AGBL1: variants seen among roughly 807,000 people sequenced by gnomAD.
The protein encoded by AGBL1 is AGBL carboxypeptidase 1, also known as cytosolic carboxypeptidase 4.
In AGBL1, 130 loss-of-function variants were observed where a neutral mutation model predicts 118.9. That is an observed-to-expected ratio of 1.09 (90% CI 0.95 to 1.26). The LOEUF (loss-of-function observed/expected upper bound fraction) is 1.26, where lower values mean the gene tolerates loss of function less well. Among genes scored for constraint, AGBL1 ranks in the 50% most tolerant of loss-of-function variants. The pLI is 0.00. For missense variants in AGBL1, 1,584 were observed against 1,298.1 expected (o/e 1.22, Z -3.38); for synonymous variants, 555 against 478.9 (o/e 1.16, Z -2.08).
chr15:86,168,191 A>G (rs1455055471), intron 5 of AGBL1, among the ~76,000 whole-genome samples: 4 of 152,220 alleles, frequency 2.6e-5, no homozygotes, highest in Non-Finnish European at 5.9e-5. Flanking sequence ...ACATGCACAC[A>G]TTAGCATGTA....
intron 22 of AGBL1, among the ~76,000 whole-genome samples, chr15:86,875,606 CAT>C (rs1345238699): frequency 6.6e-6 from 1 of 152,192 alleles, no homozygotes; most frequent in African/African-American, 2.4e-5. Flanking sequence ...AGCACTGACA[CAT>C]AGATTGTTTT....
chr15:86,318,696 A>ATTTTTTTTTTTTTTTTTTTTTTTTTTT (rs57988335), intron 17 of AGBL1, among the ~76,000 whole-genome samples: 1 of 81,950 alleles, frequency 1.2e-5, no homozygotes, highest in African/African-American at 4.9e-5. Context: ...TTGATCATAG[A>ATTTTTTTTTTTTTTTTTTTTTTTTTTT]TTTTTTTTTT....
At chr15:86,301,644 GTGTGT>G (rs1567187571) in intron 17 of AGBL1, among the ~76,000 whole-genome samples, 102 of 1,262 alleles carry the variant, frequency 0.081, no homozygotes, top group Non-Finnish European at 0.18. Context: ...TCTACAGGGT[GTGTGT>G]GTGTGTGTGT....
At chr15:86,538,155 A>T (rs74438748) in intron 19 of AGBL1, among the ~76,000 whole-genome samples, 4,292 of 152,206 alleles carry the variant, frequency 0.028, 119 homozygotes, top group African/African-American at 0.078. Flanking sequence ...TTTCTCCCCA[A>T]AGTGGCCATT....
intron 22 of AGBL1, among the ~76,000 whole-genome samples, chr15:86,825,459 C>A (rs1345447441): frequency 2.3e-5 from 2 of 85,286 alleles, no homozygotes; most frequent in Admixed American, 1.3e-4. Context: ...GAACTTTTAT[C>A]AATAATATAC....
rs116706916 is a variant in AGBL1, at chr15:86,620,236, G to A, written c.2995-54037G>A. Among the ~76,000 whole-genome samples the A allele has an allele frequency of 8.6e-3, 1,313 of 152,256 alleles. 18 individuals are homozygous for A. The highest frequency in any genetic ancestry group is 0.029 in the African/African-American group (1,215 of 41,556). ...TGGAGGATCAGGGCAGGAGGATTCC[G>A]GGATGTGTTTATTTTCTAGCACTCT... On this transcript the variant is annotated intron_variant, in intron 21 of 22. Coordinates refer to ENST00000614907, the MANE Select transcript of AGBL1 (RefSeq NM_001386094.1).
At chr15:86,444,785 C>T (rs2082102341) in intron 18 of AGBL1, among the ~76,000 whole-genome samples, 1 of 152,102 alleles carries the variant, frequency 6.6e-6, no homozygotes, top group East Asian at 1.9e-4. Context: ...CAAGGGGCCA[C>T]CCACTCCCCA....
chr15:86,963,628 T>A (rs550643571), intron 23 of AGBL1, among the ~76,000 whole-genome samples: 1 of 152,040 alleles, frequency 6.6e-6, no homozygotes, highest in Non-Finnish European at 1.5e-5. Context: ...TCAGTCTCAT[T>A]ATTTATCGGT....
intron 5 of AGBL1, among the ~76,000 whole-genome samples, chr15:86,201,523 C>T (rs2077906838): frequency 6.6e-6 from 1 of 152,190 alleles, no homozygotes; most frequent in South Asian, 2.1e-4. Flanking sequence ...TCACAAAACA[C>T]TGTGACTCAA....
At chr15:86,578,317 C>CA (rs1355800960) in intron 21 of AGBL1, among the ~76,000 whole-genome samples, 1 of 152,180 alleles carries the variant, frequency 6.6e-6, no homozygotes, top group Non-Finnish European at 1.5e-5. Context: ...TCATTTTGGC[C>CA]AATTTCTCCC....
At chr15:86,769,171 G>GAGAGAGAGAA in intron 22 of AGBL1, among the ~76,000 whole-genome samples, 1 of 118,594 alleles carries the variant, frequency 8.4e-6, no homozygotes, top group South Asian at 2.4e-4. Context: ...TTCTCATTTT[G>GAGAGAGAGAA]AGAGGGAGAG....
At chr15:86,895,060 T>TTATC (rs1006799693) in intron 22 of AGBL1, among the ~76,000 whole-genome samples, 24 of 151,076 alleles carry the variant, frequency 1.6e-4, no homozygotes, top group East Asian at 1.9e-4. Flanking sequence ...CTTCTTTCTT[T>TTATC]TATCTTCCCT....
intron 22 of AGBL1, among the ~76,000 whole-genome samples, chr15:86,815,309 G>T (rs1208968168): frequency 1.3e-5 from 2 of 152,094 alleles, no homozygotes; most frequent in African/African-American, 2.4e-5. Flanking sequence ...TAGGTTGCCA[G>T]AATTAGATGA....
intron 5 of AGBL1, among the ~76,000 whole-genome samples, chr15:86,162,914 C>T (rs548447361): frequency 4.6e-5 from 7 of 152,316 alleles, no homozygotes; most frequent in Admixed American, 2.6e-4. Context: ...CTGGATGCCA[C>T]CTGCTCCATT....
In AGBL1 at chr15:86,194,087, C is replaced by T. The variant is rs78588921; in HGVS notation, c.489-30827C>T. Among the ~76,000 whole-genome samples the T allele has an allele frequency of 8.7e-3, 1,331 of 152,316 alleles. 18 individuals are homozygous for T. The highest frequency in any genetic ancestry group is 0.031 in the African/African-American group (1,287 of 41,580). On this transcript the variant is annotated intron_variant, in intron 5 of 22. Coordinates refer to ENST00000614907, the MANE Select transcript of AGBL1 (RefSeq NM_001386094.1). The stretch of plus-strand genomic sequence containing the variant: ...CGTTTTTTAATTTCTTCCTTTCACT[C>T]GTACTCACATCCTGTTGGAACGACT...
At chr15:86,306,009 AT>A (rs959725733) in intron 17 of AGBL1, among the ~76,000 whole-genome samples, 8 of 151,630 alleles carry the variant, frequency 5.3e-5, no homozygotes, top group South Asian at 2.1e-4. Flanking sequence ...TTTTAATTTA[AT>A]TTTTTTTATT....
chr15:86,832,184 A>G (rs977890794), intron 22 of AGBL1, among the ~76,000 whole-genome samples: 1 of 152,182 alleles, frequency 6.6e-6, no homozygotes, highest in African/African-American at 2.4e-5. Flanking sequence ...CAGGTCTGTG[A>G]TGGAAAGGGC....
exon 24 of AGBL1, chr15:86,988,041 T>C: frequency 6.2e-7 from 1 of 1,613,830 alleles, no homozygotes; most frequent in Non-Finnish European, 8.5e-7. Flanking sequence ...ACCACTTTTT[T>C]GCCATTACAA....
chr15:86,200,560 C>G (rs1034474283), intron 5 of AGBL1, among the ~76,000 whole-genome samples: 1 of 138,770 alleles, frequency 7.2e-6, no homozygotes, highest in East Asian at 2.4e-4. Context: ...ACCCCCCCCC[C>G]CCTTTTTTTT....
Sources: allele counts gnomAD v4.1 joint callset (sites outside exome capture counted in the v4.1 genomes callset), GRCh38; gene constraint gnomAD v4.1.1; transcripts MANE v1.5; gene names NCBI Gene and HGNC (gene_info 2026-07-23, HGNC 2026-07-21).